DACH2: variants seen among roughly 807,000 people sequenced by gnomAD.
DACH2 encodes dachshund family transcription factor 2, also known as dachshund homolog 2.
In DACH2, 17 loss-of-function variants were observed where a neutral mutation model predicts 35.8. That is an observed-to-expected ratio of 0.48 (90% CI 0.33 to 0.71). The LOEUF is 0.71. Among genes scored for constraint, DACH2 ranks in the 30% least tolerant of loss-of-function variants. The pLI, the probability that DACH2 is intolerant of heterozygous loss-of-function variation, is 0.02. For missense variants in DACH2, 469 were observed against 472.7 expected (o/e 0.99, Z 0.07); for synonymous variants, 195 against 177.3 (o/e 1.10, Z -0.79).
At chrX:86,209,425 CA>C (rs1245538925) in intron 1 of DACH2, among the ~76,000 whole-genome samples, 2 of 111,575 alleles carry the variant, frequency 1.8e-5, no homozygotes, top group Non-Finnish European at 3.8e-5. Flanking sequence ...AGCAATGAAT[CA>C]AACTGTATTT....
At chrX:86,644,440 A>G (rs750225497) in intron 3 of DACH2, among the ~76,000 whole-genome samples, 1 of 109,556 alleles carries the variant, frequency 9.1e-6, no homozygotes, top group South Asian at 3.8e-4. Context: ...ATGGATGGAA[A>G]AACATTCCTT....
At chrX:86,296,771 A>C (rs1336259364) in intron 1 of DACH2, among the ~76,000 whole-genome samples, 2 of 110,775 alleles carry the variant, frequency 1.8e-5, no homozygotes, top group Non-Finnish European at 3.8e-5. Context: ...GACTTTACAC[A>C]TTTTACTAGG....
intron 3 of DACH2, among the ~76,000 whole-genome samples, chrX:86,533,585 G>A (rs763754521): frequency 2.7e-4 from 30 of 111,557 alleles, no homozygotes; most frequent in African/African-American, 5.5e-4. Context: ...TTATCAAATC[G>A]TATTATTTTT....
chrX:86,635,078 A>T (rs1218769558), intron 3 of DACH2, among the ~76,000 whole-genome samples: 1 of 88,656 alleles, frequency 1.1e-5, no homozygotes, highest in East Asian at 5.4e-4. Flanking sequence ...AGAAAACTTC[A>T]GGCTAATACC....
At chrX:86,777,640 T>C (rs1022008146) in intron 7 of DACH2, among the ~76,000 whole-genome samples, 1 of 111,588 alleles carries the variant, frequency 9.0e-6, no homozygotes, top group African/African-American at 3.2e-5. Context: ...ATTCATGTCA[T>C]TTAAATAGCT....
At chrX:86,294,253 G>A (rs6623630) in intron 1 of DACH2, among the ~76,000 whole-genome samples, 7 of 110,319 alleles carry the variant, frequency 6.3e-5, no homozygotes, top group Non-Finnish European at 9.5e-5. Flanking sequence ...CGTAGTTCTC[G>A]AGCCTTGGTT....
intron 2 of DACH2, among the ~76,000 whole-genome samples, chrX:86,513,476 C>T (rs66528159): frequency 0.084 from 9,396 of 111,315 alleles, 345 homozygotes; most frequent in East Asian, 0.24. Flanking sequence ...AACTCTATTA[C>T]GGTACAAGAT....
rs1205265553 is a variant in DACH2, at chrX:86,514,310, T to C, written c.559T>C (p.Leu187=). Residue 187 remains leucine (L), a synonymous_variant, in exon 3 of 12, where the codon TTG becomes CTG. Transcript: ENST00000373125. The stretch of plus-strand genomic sequence containing the variant: ...ACCCGGCAGGCCCCCTAAGCGTTCT[T>C]TGGGAGTGTTGCAGGAAAATGCCCG... ...SRPGRPPKRS[L]GVLQENARLL... is the part of the protein sequence containing the mutation. 4 of 1,211,406 alleles carry C rather than the reference T, an allele frequency of 3.3e-6. No individual in the cohort carries two copies. Among genetic ancestry groups the C allele is most frequent in the Admixed American group, 4.3e-5 (2 of 46,007 alleles).
chrX:86,274,128 C>A (rs914494378), intron 1 of DACH2, among the ~76,000 whole-genome samples: 2 of 51,685 alleles, frequency 3.9e-5, no homozygotes, highest in Non-Finnish European at 6.3e-5. Flanking sequence ...AGGTCAACAG[C>A]CCCTTAGAGA....
intron 3 of DACH2, among the ~76,000 whole-genome samples, chrX:86,563,971 T>C (rs888807961): frequency 9.0e-6 from 1 of 111,189 alleles, no homozygotes; most frequent in South Asian, 3.7e-4. Context: ...TACCTCTTAA[T>C]TTTTAAAAAT....
chrX:86,599,128 T>C (rs1222852997), intron 3 of DACH2, among the ~76,000 whole-genome samples: 1 of 111,205 alleles, frequency 9.0e-6, no homozygotes, highest in African/African-American at 3.3e-5. Flanking sequence ...ACAAAGGACA[T>C]GAACTCATCC....
At chrX:86,579,215 C>A (rs775407290) in intron 3 of DACH2, among the ~76,000 whole-genome samples, 38 of 110,064 alleles carry the variant, frequency 3.5e-4, no homozygotes, top group African/African-American at 1.2e-3. Flanking sequence ...GTCTCAGCCT[C>A]CCTGGTAGCT....
chrX:86,728,464 A>C (rs779555898), intron 6 of DACH2, among the ~76,000 whole-genome samples: 1 of 112,992 alleles, frequency 8.9e-6, no homozygotes, highest in Admixed American at 9.3e-5. Context: ...AAAGCAGACT[A>C]TGGAGCAACC....
chrX:86,666,312 TGA>T (rs1556363112), intron 4 of DACH2, among the ~76,000 whole-genome samples: 11 of 99,908 alleles, frequency 1.1e-4, no homozygotes, highest in Non-Finnish European at 1.8e-4. Flanking sequence ...TGTGTGTGTG[TGA>T]GAGAGAGAGA....
intron 3 of DACH2, among the ~76,000 whole-genome samples, chrX:86,542,667 C>T (rs543027794): frequency 4.5e-5 from 5 of 111,920 alleles, no homozygotes; most frequent in African/African-American, 1.6e-4. Context: ...GATTAAGACA[C>T]AAGGTATCAG....
At chrX:86,441,869 GTA>G (rs113721694) in intron 2 of DACH2, among the ~76,000 whole-genome samples, 18,882 of 97,881 alleles carry the variant, frequency 0.19, 1,736 homozygotes, top group African/African-American at 0.31. Flanking sequence ...GTGTGTGTGT[GTA>G]TATATATATA....
chrX:86,709,002 A>G lies in DACH2; in HGVS notation c.932-5546A>G, dbSNP rs1444269144. On this transcript the variant is annotated intron_variant, in intron 5 of 11. Transcript: ENST00000373125. ...TTCCCACTTGATCTATAGATTCAAT[A>G]TATTCCCCATCAAAATCCAAGGAAG... 7.2e-5 allele frequency among the ~76,000 whole-genome samples: 8 copies of G among 111,710 alleles called. No individual in the cohort carries two copies. In the South Asian group the frequency reaches 1.9e-3, roughly 26 times the overall value.
intron 3 of DACH2, among the ~76,000 whole-genome samples, chrX:86,599,865 G>A (rs371478977): frequency 5.4e-5 from 6 of 110,862 alleles, no homozygotes; most frequent in Non-Finnish European, 9.4e-5. Flanking sequence ...ATCACATGGG[G>A]CAAGGATGAT....
chrX:86,202,136 C>T (rs1211704592), intron 1 of DACH2, among the ~76,000 whole-genome samples: 1 of 111,384 alleles, frequency 9.0e-6, no homozygotes, highest in Non-Finnish European at 1.9e-5. Flanking sequence ...TTATTAAGTA[C>T]TGGTAACATA....
Sources: allele counts gnomAD v4.1 joint callset (sites outside exome capture counted in the v4.1 genomes callset), GRCh38; gene constraint gnomAD v4.1.1; transcripts MANE v1.5; gene names NCBI Gene and HGNC (gene_info 2026-07-23, HGNC 2026-07-21).